The following STK31 variants were observed in gnomAD, a reference collection of about 807,000 sequenced individuals.
STK31 encodes the protein serine/threonine-protein kinase 31.
STK31 carries 89 observed loss-of-function variants against 129.7 expected under a neutral mutation model. The ratio of observed to expected loss-of-function variants is 0.69; its 90% CI spans 0.58 to 0.82. STK31 has a LOEUF of 0.82. STK31 is among the 40% of genes least tolerant of loss of function. The probability of loss-of-function intolerance (pLI) is 0.00; values close to 1 mark genes in which losing one functional copy is unlikely to be tolerated. For synonymous variants in STK31, 448 were observed against 395.3 expected (o/e 1.13, Z -1.58); for missense variants, 1,187 against 1,176.4 (o/e 1.01, Z -0.13).
At chr7:23,778,340 G>A (rs1790691955) in intron 15 of STK31, among the ~76,000 whole-genome samples, 1 of 151,972 alleles carries the variant, frequency 6.6e-6, no homozygotes, top group Non-Finnish European at 1.5e-5. Context: ...TGAGGAGTAG[G>A]TTTTTGGTGT....
chr7:23,757,776 G>A (rs1789187182), intron 10 of STK31, among the ~76,000 whole-genome samples: 2 of 152,082 alleles, frequency 1.3e-5, no homozygotes, highest in Non-Finnish European at 2.9e-5. Flanking sequence ...GTCGGGCTGG[G>A]GGACGGTCAG....
At chr7:23,793,278 C>T (rs890502164) in intron 22 of STK31, among the ~76,000 whole-genome samples, 18 of 152,228 alleles carry the variant, frequency 1.2e-4, no homozygotes, top group South Asian at 6.2e-4. Flanking sequence ...AAATGTAAAA[C>T]GTGAGTCTAA....
chr7:23,822,908 C>G (rs1793879779), intron 23 of STK31, among the ~76,000 whole-genome samples: 1 of 152,110 alleles, frequency 6.6e-6, no homozygotes, highest in Non-Finnish European at 1.5e-5. Context: ...CATCCATGTC[C>G]CTACAAAGGA....
intron 22 of STK31, chr7:23,811,248 C>T (rs1793114679): frequency 3.0e-6 from 1 of 338,576 alleles, no homozygotes. Context: ...TTGATGTTTT[C>T]ACCAGTAAAG....
rs1794599408 is a variant in STK31 at position 23,832,250 on chromosome 7, A to C, written c.2944A>C (p.Asn982His). 1 of 1,613,996 alleles carries C rather than the reference A, an allele frequency of 6.2e-7. No individual in the cohort carries two copies. Among genetic ancestry groups the C allele is most frequent in the Admixed American group, 1.7e-5 (1 of 60,008 alleles). Residue 982 changes from asparagine to histidine, a missense_variant, in exon 24 of 24, where the codon AAC becomes CAC. Coordinates refer to ENST00000355870, the MANE Select transcript of STK31 (RefSeq NM_031414.5). ...FLMPKEQSVP[N>H]PEKDTEYTLY... ...GATGCCAAAGGAGCAATCAGTTCCA[A>C]ACCCAGAAAAAGATACTGAATACAC...
At chr7:23,728,792 T>C (rs1358295482) in intron 5 of STK31, among the ~76,000 whole-genome samples, 5 of 152,220 alleles carry the variant, frequency 3.3e-5, no homozygotes, top group South Asian at 4.1e-4. Flanking sequence ...GCTGTAAGCT[T>C]CATAGGCTGA....
intron 8 of STK31, among the ~76,000 whole-genome samples, chr7:23,740,693 T>C (rs1305881763): frequency 3.3e-5 from 5 of 152,142 alleles, no homozygotes; most frequent in Non-Finnish European, 5.9e-5. Flanking sequence ...CCCCTTCCTG[T>C]GTCCATGTGT....
Position 23,725,372 on chromosome 7 carries a change from C to CAAAAA in STK31, c.250-1848_250-1844dup, listed in dbSNP as rs57280021. 6.7e-3 allele frequency among the ~76,000 whole-genome samples: 375 copies of CAAAAA among 56,284 alleles called. 3 individuals are homozygous for CAAAAA. Among genetic ancestry groups the CAAAAA allele is most frequent in the Middle Eastern group, 0.033 (2 of 60 alleles). 36.9% of individuals were successfully genotyped at this position (56,284 alleles called of 152,430 possible). On this transcript the variant is annotated intron_variant, in intron 4 of 23. Coordinates refer to ENST00000355870, the MANE Select transcript of STK31 (RefSeq NM_031414.5). ...GCAACATAGTGAGACCCTGTTTCTA[C>CAAAAA]AAAAAAAAAAAAAAAAAAAAAAAAA...
chr7:23,762,656 T>A, intron 10 of STK31, 145 bp from the exon 11 acceptor site: 1 of 806,476 alleles, frequency 1.2e-6, no homozygotes, highest in Non-Finnish European at 1.8e-6. Context: ...TTTGTCATTT[T>A]GTTGATCTAA....
chr7:23,821,786 G>T (rs912851677), intron 23 of STK31, among the ~76,000 whole-genome samples: 24 of 152,112 alleles, frequency 1.6e-4, no homozygotes, highest in Admixed American at 1.6e-3. Context: ...ATAGTCTTGG[G>T]TTTTACATTT....
chr7:23,783,916 T>C (rs551981035), intron 17 of STK31, among the ~76,000 whole-genome samples: 9 of 152,370 alleles, frequency 5.9e-5, no homozygotes, highest in African/African-American at 1.4e-4. Flanking sequence ...ATGACACTTA[T>C]TTGAATTATA....
intron 17 of STK31, among the ~76,000 whole-genome samples, chr7:23,784,839 T>G (rs968948087): frequency 1.3e-5 from 2 of 152,202 alleles, no homozygotes; most frequent in African/African-American, 2.4e-5. Flanking sequence ...AAATTAGTTA[T>G]TGAAAGCCAT....
At chr7:23,783,133 T>C (rs1418124748) in intron 16 of STK31, among the ~76,000 whole-genome samples, 5 of 152,170 alleles carry the variant, frequency 3.3e-5, no homozygotes, top group Non-Finnish European at 5.9e-5. Flanking sequence ...GAAAGTGGCT[T>C]TCAGAAATTG....
intron 6 of STK31, among the ~76,000 whole-genome samples, chr7:23,733,655 A>C (rs1316606254): frequency 1.3e-5 from 2 of 151,908 alleles, no homozygotes; most frequent in Non-Finnish European, 2.9e-5. Context: ...ACAAAATACA[A>C]AAAATTAGCT....
At chr7:23,788,491 A>G (rs779785355) in intron 21 of STK31, among the ~76,000 whole-genome samples, 3 of 152,152 alleles carry the variant, frequency 2.0e-5, no homozygotes, top group African/African-American at 7.2e-5. Context: ...CAATTTACAT[A>G]TACGTACTTT....
rs1786430742 is a variant in STK31, at chr7:23,717,635, C to G, written c.249+56C>G. On this transcript the variant is annotated intron_variant, in intron 4 of 23. Coordinates refer to ENST00000355870, the MANE Select transcript of STK31 (RefSeq NM_031414.5). Reference sequence around the variant, plus strand: ...ATTCCTCCTGTCAGCTTTCCTGTGTCTTAGATATTTAGTTTTTGGAGTTCC... The same window carrying G: ...ATTCCTCCTGTCAGCTTTCCTGTGTGTTAGATATTTAGTTTTTGGAGTTCC... 2.9e-6 allele frequency: 4 copies of G among 1,383,636 alleles called. No individual in the cohort carries two copies. In the South Asian group the frequency reaches 5.2e-5, roughly 18 times the overall value. The allele number at this position is 1,383,636 out of a possible 1,614,324, so 85.7% of individuals were successfully genotyped here. A position where few individuals can be genotyped will look rare whatever the true frequency, so the allele number is the denominator to read the frequency against.
intron 16 of STK31, among the ~76,000 whole-genome samples, chr7:23,781,861 A>G (rs1046039550): frequency 1.3e-5 from 2 of 152,182 alleles, no homozygotes; most frequent in African/African-American, 4.8e-5. Context: ...TATAGCACAG[A>G]CACACTTTTG....
At chr7:23,774,808 T>G (rs1790435119) in intron 15 of STK31, among the ~76,000 whole-genome samples, 1 of 152,230 alleles carries the variant, frequency 6.6e-6, no homozygotes, top group Non-Finnish European at 1.5e-5. Context: ...ATTTTGTCTT[T>G]TGTTGCCATT....
In STK31 at chr7:23,735,776, C is replaced by T; in HGVS notation, c.722C>T (p.Pro241Leu). 1.9e-6 allele frequency: 3 copies of T among 1,614,160 alleles called. No homozygotes were observed. The highest frequency in any genetic ancestry group is 2.5e-6 in the Non-Finnish European group (3 of 1,180,028). Residue 241 changes from proline (P) to leucine (L), a missense_variant, in exon 7 of 24, where the codon CCT (proline) becomes CTT (leucine). Coordinates refer to ENST00000355870, the MANE Select transcript of STK31 (RefSeq NM_031414.5). ...LVLRNLKSPI[P>L]LWGHRSNQST... ...CTCAGGAACCTCAAAAGCCCCATTC[C>T]TTTGTGGGGGCATAGATCAAACCAG...
Sources: gnomAD v4.1 joint callset for allele counts (sites outside exome capture counted in the v4.1 genomes callset) on GRCh38, gnomAD v4.1.1 for gene constraint, MANE v1.5 for transcripts, NCBI Gene and HGNC (gene_info 2026-07-23, HGNC 2026-07-21) for gene names.